Variants in HMCN1 observed in about 807,000 individuals in gnomAD.
HMCN1 encodes the protein hemicentin-1.
In HMCN1, 321 loss-of-function variants were observed where a neutral mutation model predicts 625.9. The observed-to-expected ratio is 0.51, with a 90% CI of 0.47 to 0.56. HMCN1 has a LOEUF of 0.56. Ranked by LOEUF, HMCN1 falls within the 20% of genes least tolerant of loss-of-function variation. The probability of loss-of-function intolerance (pLI) is 0.00; values close to 1 mark genes in which losing one functional copy is unlikely to be tolerated. For synonymous variants in HMCN1, 2,425 were observed against 2,417.6 expected, an observed-to-expected ratio of 1.00 and a Z score of -0.09; for missense variants, 6,588 against 6,887.3, an observed-to-expected ratio of 0.96 and a Z score of 1.54.
intron 46 of HMCN1, among the ~76,000 whole-genome samples, chr1:186,058,602 T>C: frequency 6.6e-6 from 1 of 151,936 alleles, no homozygotes; most frequent in Admixed American, 6.6e-5. Context: ...AAGGATTATG[T>C]TGTTTTTTTC....
At chr1:185,857,414 G>T (rs960571050) in intron 2 of HMCN1, among the ~76,000 whole-genome samples, 1 of 152,200 alleles carries the variant, frequency 6.6e-6, no homozygotes, top group Non-Finnish European at 1.5e-5. Context: ...TGTATTTAGG[G>T]AGCTGTCTAA....
intron 11 of HMCN1, among the ~76,000 whole-genome samples, chr1:185,941,865 A>G (rs1156579195): frequency 6.6e-6 from 1 of 152,168 alleles, no homozygotes; most frequent in Non-Finnish European, 1.5e-5. Context: ...ACTTATAAGG[A>G]AAGACTAAAG....
intron 19 of HMCN1, among the ~76,000 whole-genome samples, chr1:185,985,659 G>C (rs1438676901): frequency 6.6e-6 from 1 of 152,186 alleles, no homozygotes; most frequent in Non-Finnish European, 1.5e-5. Flanking sequence ...AGTCAATGGA[G>C]TTAAAAAATT....
intron 15 of HMCN1, 69 bp downstream of exon 15, chr1:185,970,562 T>A: frequency 7.6e-7 from 1 of 1,309,628 alleles, no homozygotes; most frequent in Non-Finnish European, 1.1e-6. Flanking sequence ...TTTAATAACC[T>A]TGAAATGGTT....
intron 1 of HMCN1, among the ~76,000 whole-genome samples, chr1:185,776,047 T>C (rs560735979): frequency 6.6e-6 from 1 of 152,368 alleles, no homozygotes; most frequent in South Asian, 2.1e-4. Context: ...TGTTTTTATA[T>C]GTGACCCAAA....
intron 102 of HMCN1, among the ~76,000 whole-genome samples, chr1:186,174,041 C>T (rs1652404709): frequency 6.6e-6 from 1 of 152,152 alleles, no homozygotes; most frequent in Admixed American, 6.5e-5. Flanking sequence ...GGACTTGAAA[C>T]ACAGGCCTGC....
rs10737266 is a variant in HMCN1 at position 186,061,770 on chromosome 1, G to A, written c.7313-81G>A. The A allele has an allele frequency of 3.2e-5, 28 of 864,086 alleles. No homozygotes were observed. In the South Asian group the frequency reaches 3.3e-4, roughly 10 times the overall value. The allele number at this position is 864,086 out of a possible 1,614,324, so 53.5% of individuals were successfully genotyped here. A position where few individuals can be genotyped will look rare whatever the true frequency, so the allele number is the denominator to read the frequency against. On this transcript the variant is annotated intron_variant, in intron 46 of 106. Transcript: ENST00000271588. ...AAAGCATACTGATTAAATTTTTACC[G>A]AAATTGAGCATCACTTGGATGGCTT... is the stretch of plus-strand genomic sequence containing the variant.
chr1:185,764,013 C>A (rs1655700414), intron 1 of HMCN1, among the ~76,000 whole-genome samples: 1 of 152,124 alleles, frequency 6.6e-6, no homozygotes, highest in South Asian at 2.1e-4. Flanking sequence ...GTGATAGAGT[C>A]TGTAAAGATA....
intron 97 of HMCN1, among the ~76,000 whole-genome samples, chr1:186,159,122 A>G (rs1488943226): frequency 6.6e-6 from 1 of 151,376 alleles, no homozygotes; most frequent in Non-Finnish European, 1.5e-5. Context: ...AGTGGTTTGT[A>G]GTTCTCCTTG....
At chr1:186,041,266 T>C in intron 40 of HMCN1, 130 bp downstream of exon 40, 1 of 854,834 alleles carries the variant, frequency 1.2e-6, no homozygotes, top group South Asian at 1.4e-5. Flanking sequence ...CAGGATCAAT[T>C]CAAATCAAAT....
At chr1:186,125,464 C>G in intron 81 of HMCN1, 140 bp from the exon 82 acceptor site, 1 of 678,606 alleles carries the variant, frequency 1.5e-6, no homozygotes, top group Non-Finnish European at 2.6e-6. Flanking sequence ...GGAAGCAAAT[C>G]AATATCTTAA....
At chr1:186,003,083 C>CA (rs1251563773) in intron 28 of HMCN1, among the ~76,000 whole-genome samples, 2 of 152,060 alleles carry the variant, frequency 1.3e-5, no homozygotes, top group Non-Finnish European at 2.9e-5. Context: ...AATATGATTA[C>CA]ATCCCACTCC....
At chr1:185,879,344 A>AT (rs552569347) in intron 4 of HMCN1, among the ~76,000 whole-genome samples, 46 of 151,434 alleles carry the variant, frequency 3.0e-4, no homozygotes, top group African/African-American at 8.5e-4. Context: ...CTAATTTTTG[A>AT]TTTTTTTTGT....
chr1:185,789,507 T>A (rs1657849749), intron 1 of HMCN1, among the ~76,000 whole-genome samples: 1 of 152,254 alleles, frequency 6.6e-6, no homozygotes, highest in Admixed American at 6.5e-5. Flanking sequence ...CATTGATCAC[T>A]TCGTGACTTT....
At chr1:185,885,946 T>C (rs574501618) in intron 4 of HMCN1, among the ~76,000 whole-genome samples, 6 of 152,198 alleles carry the variant, frequency 3.9e-5, no homozygotes, top group African/African-American at 1.4e-4. Flanking sequence ...AAAAGTAGTC[T>C]CTTTACAATT....
In HMCN1 at chr1:186,128,086, T is replaced by C. The variant is rs771398799; in HGVS notation, c.12699T>C (p.Asp4233=). The change falls in exon 83 of 107, where the codon GAT becomes GAC. Residue 4233 remains aspartate, a synonymous_variant. Transcript: ENST00000271588. ...ELILENVVLE[D]SGFYTCVANN... Reference sequence around the variant, plus strand: ...ACTTTTTTTAATTTTAGCTGGAGGATTCTGGCTTCTATACCTGTGTTGCTA... The same window carrying C: ...ACTTTTTTTAATTTTAGCTGGAGGACTCTGGCTTCTATACCTGTGTTGCTA... The C allele has an allele frequency of 1.2e-6, 2 of 1,613,328 alleles. No individual in the cohort carries two copies. Among genetic ancestry groups the C allele is most frequent in the Admixed American group, 1.7e-5 (1 of 59,930 alleles).
rs956715433 is a variant in HMCN1, at chr1:186,130,013, G to C, written c.12952G>C (p.Val4318Leu). Residue 4318 changes from valine (V) to leucine (L), a missense_variant, in exon 84 of 107, where the codon GTG (valine) becomes CTG (leucine). Physicochemically the swap from Val to Leu is conservative, Grantham distance 32. Coordinates refer to ENST00000271588, the MANE Select transcript of HMCN1 (RefSeq NM_031935.3). Reference sequence around the variant, plus strand: ...ACACAGTGAACTTGTTATTGAAAGAGTGTCAAAAGAGGATTCAGGTACTTA... The same window carrying C: ...ACACAGTGAACTTGTTATTGAAAGACTGTCAAAAGAGGATTCAGGTACTTA... ...NGHSELVIER[V>L]SKEDSGTYVC... 6.2e-7 allele frequency: 1 copy of C among 1,613,124 alleles called. No homozygotes were observed. The highest frequency in any genetic ancestry group is 1.3e-5 in the African/African-American group (1 of 74,854).
Position 186,189,577 on chromosome 1 carries a change from A to G in HMCN1, c.16607A>G (p.Tyr5536Cys), listed in dbSNP as rs751355696. Residue 5536 changes from tyrosine to cysteine, a missense_variant, in exon 107 of 107, where the codon TAC becomes TGC. Transcript: ENST00000271588. ...ECALSPYALE[Y>C]KLVSLPFGIA... ...GCCTTGAGCCCATATGCCTTGGAAT[A>G]CAAACTCGTCTCCCTCCCATTTGGA... 6 of 1,613,750 alleles carry G rather than the reference A, an allele frequency of 3.7e-6. No individual in the cohort carries two copies. The South Asian group carries it at 5.5e-5, about 15-fold the overall frequency.
chr1:186,102,610 A>T (rs1660433904), intron 68 of HMCN1, among the ~76,000 whole-genome samples: 1 of 152,028 alleles, frequency 6.6e-6, no homozygotes, highest in Non-Finnish European at 1.5e-5. Flanking sequence ...TAAAACTCAG[A>T]CTCCAGATCT....
Sources: allele counts gnomAD v4.1 joint callset (sites outside exome capture counted in the v4.1 genomes callset), GRCh38; gene constraint gnomAD v4.1.1; transcripts MANE v1.5; gene names NCBI Gene and HGNC (gene_info 2026-07-23, HGNC 2026-07-21).